The following ADK variants were observed in gnomAD, a reference collection of about 807,000 sequenced individuals.
The protein encoded by ADK is adenosine kinase.
ADK carries 24 observed loss-of-function variants against 44.7 expected under a neutral mutation model. The observed-to-expected ratio is 0.54, with a 90% confidence interval of 0.39 to 0.76. The LOEUF is 0.76. Among genes scored for constraint, ADK ranks in the 30% least tolerant of loss-of-function variants. The probability of loss-of-function intolerance (pLI) is 0.00; values close to 1 mark genes in which losing one functional copy is unlikely to be tolerated. For synonymous variants in ADK, 128 were observed against 142.6 expected, an observed-to-expected ratio of 0.90 and a Z score of 0.73; for missense variants, 321 against 425.1, an observed-to-expected ratio of 0.76 and a Z score of 2.15.
At chr10:74,433,642 AT>A (rs768191985) in intron 6 of ADK, among the ~76,000 whole-genome samples, 1 of 152,176 alleles carries the variant, frequency 6.6e-6, no homozygotes, top group Non-Finnish European at 1.5e-5. Flanking sequence ...GTATAGAGTG[AT>A]TTTTTTATTT....
At chr10:74,277,589 C>T (rs570708566) in intron 3 of ADK, among the ~76,000 whole-genome samples, 10 of 151,924 alleles carry the variant, frequency 6.6e-5, no homozygotes, top group Non-Finnish European at 1.5e-4. Flanking sequence ...TTAGTAGTGA[C>T]GGGGTTTCAC....
At chr10:74,531,601 A>C (rs374374806) in intron 7 of ADK, among the ~76,000 whole-genome samples, 32 of 152,224 alleles carry the variant, frequency 2.1e-4, no homozygotes, top group African/African-American at 7.5e-4. Flanking sequence ...TGGCACAATC[A>C]TGTCTCACTG....
At chr10:74,297,210 TCTCA>T (rs1839848932) in intron 3 of ADK, among the ~76,000 whole-genome samples, 1 of 152,236 alleles carries the variant, frequency 6.6e-6, no homozygotes, top group South Asian at 2.1e-4. Flanking sequence ...ACTTTGTGTA[TCTCA>T]CTAGGTAAAT....
chr10:74,173,741 T>A (rs538747592), intron 1 of ADK, among the ~76,000 whole-genome samples: 1 of 152,124 alleles, frequency 6.6e-6, no homozygotes, highest in Admixed American at 6.6e-5. Context: ...AATTTGAAAA[T>A]TTTAATGTTA....
intron 4 of ADK, among the ~76,000 whole-genome samples, chr10:74,347,106 C>CAAAAAAAAAAAA (rs58074760): frequency 1.3e-4 from 12 of 92,296 alleles, no homozygotes; most frequent in African/African-American, 6.9e-4. Context: ...CACTCTGTCT[C>CAAAAAAAAAAAA]AAAAAAAAAA....
chr10:74,223,189 A>G (rs371828335), intron 2 of ADK, among the ~76,000 whole-genome samples: 4 of 152,254 alleles, frequency 2.6e-5, no homozygotes, highest in African/African-American at 9.6e-5. Context: ...GTGACTCTAC[A>G]GATTCCTGAG....
intron 4 of ADK, among the ~76,000 whole-genome samples, chr10:74,362,814 G>A (rs1842379492): frequency 6.6e-6 from 1 of 152,330 alleles, no homozygotes; most frequent in Admixed American, 6.5e-5. Context: ...AGTCCTGCAA[G>A]GGCACCAAGG....
intron 3 of ADK, among the ~76,000 whole-genome samples, chr10:74,263,977 T>C (rs2132383461): frequency 6.6e-6 from 1 of 152,370 alleles, no homozygotes; most frequent in Admixed American, 6.5e-5. Context: ...TTTATGCATA[T>C]GTGAAAGATT....
At position 74,479,059 on chromosome 10, in the gene ADK, C is replaced by T. The variant is rs150540720; in HGVS notation, c.556-46197C>T. Among the ~76,000 whole-genome samples, 961 of 152,200 alleles carry T rather than the reference C, an allele frequency of 6.3e-3. 8 individuals carry two copies. Among genetic ancestry groups the T allele is most frequent in the African/African-American group, 0.022 (909 of 41,520 alleles). On this transcript the variant is annotated intron_variant, in intron 6 of 10. Transcript: ENST00000539909. ...TGTCTCCCAGGCTGGAGTGCAGTGG[C>T]ATGATCTCTGCCCACTGCGACCTCT...
chr10:74,315,017 C>T (rs1265279274), intron 4 of ADK, among the ~76,000 whole-genome samples: 1 of 151,870 alleles, frequency 6.6e-6, no homozygotes, highest in Non-Finnish European at 1.5e-5. Context: ...TTTCATGTTA[C>T]AGATTTGTAG....
chr10:74,199,260 G>T (rs1200640435), intron 1 of ADK, among the ~76,000 whole-genome samples: 1 of 152,074 alleles, frequency 6.6e-6, no homozygotes, highest in African/African-American at 2.4e-5. Context: ...TGATACTGAA[G>T]TTTGGTTTTG....
intron 10 of ADK, among the ~76,000 whole-genome samples, chr10:74,677,423 A>T (rs954761131): frequency 1.3e-5 from 2 of 152,054 alleles, no homozygotes; most frequent in Admixed American, 1.3e-4. Flanking sequence ...TTCTATCCTC[A>T]CCTTGTTTCT....
intron 3 of ADK, among the ~76,000 whole-genome samples, chr10:74,279,008 C>T (rs1370395099): frequency 2.6e-5 from 4 of 152,214 alleles, no homozygotes; most frequent in South Asian, 2.1e-4. Context: ...CAGCTGGGCG[C>T]GGTGGCTCAC....
intron 3 of ADK, among the ~76,000 whole-genome samples, chr10:74,302,898 T>G (rs1199072426): frequency 6.6e-6 from 1 of 152,188 alleles, no homozygotes; most frequent in East Asian, 1.9e-4. Flanking sequence ...TTCATAAGCA[T>G]GGCAGGCAGT....
chr10:74,294,963 C>T (rs560317447), intron 3 of ADK, among the ~76,000 whole-genome samples: 1 of 152,166 alleles, frequency 6.6e-6, no homozygotes, highest in African/African-American at 2.4e-5. Context: ...TCAAGTGATT[C>T]TCCCACCTCA....
chr10:74,209,447 A>G (rs1843727750), intron 2 of ADK, among the ~76,000 whole-genome samples: 1 of 152,226 alleles, frequency 6.6e-6, no homozygotes, highest in Admixed American at 6.5e-5. Context: ...ACAACAAAAC[A>G]TAAGTAAGTA....
intron 4 of ADK, among the ~76,000 whole-genome samples, chr10:74,387,613 G>A (rs534249116): frequency 2.6e-5 from 4 of 152,256 alleles, no homozygotes; most frequent in African/African-American, 7.2e-5. Context: ...ACTGCTACCT[G>A]TCTTTGGAGG....
chr10:74,303,416 A>G (rs1442968838), intron 3 of ADK, among the ~76,000 whole-genome samples: 1 of 152,084 alleles, frequency 6.6e-6, no homozygotes, highest in East Asian at 1.9e-4. Context: ...CAGATTTATC[A>G]TCTACCCTTC....
intron 2 of ADK, among the ~76,000 whole-genome samples, chr10:74,217,323 G>A (rs933188419): frequency 9.2e-5 from 14 of 152,278 alleles, no homozygotes; most frequent in Middle Eastern, 3.4e-3. Context: ...GGAGAGGGGC[G>A]CCCGCCATTG....
Sources: gnomAD v4.1 joint callset for allele counts (sites outside exome capture counted in the v4.1 genomes callset) on GRCh38, gnomAD v4.1.1 for gene constraint, MANE v1.5 for transcripts, NCBI Gene and HGNC (gene_info 2026-07-23, HGNC 2026-07-21) for gene names.